The following USP6NL variants were observed in gnomAD, a reference collection of about 807,000 sequenced individuals.
USP6NL encodes USP6 N-terminal-like protein.
A neutral mutation model predicts 61.9 loss-of-function variants in USP6NL; 26 were observed. The observed-to-expected ratio is 0.42, with a 90% CI of 0.31 to 0.58. The LOEUF is 0.58. USP6NL is among the 20% of genes least tolerant of loss of function. The probability of loss-of-function intolerance (pLI) is 0.16; values close to 1 mark genes in which losing one functional copy is unlikely to be tolerated. For missense variants in USP6NL, 1,114 were observed against 1,034.3 expected, an observed-to-expected ratio of 1.08 and a Z score of -1.06; for synonymous variants, 432 against 390.1, an observed-to-expected ratio of 1.11 and a Z score of -1.27.
rs1838282273 is a variant in USP6NL, at chr10:11,595,035, T to C, written c.4+2596A>G. ...GGTGACAGGCAGTGGCTCTAGGAAC[T>C]AGCAGACTACTCAGAAGCTGATTTT... On this transcript the variant is annotated intron_variant, in intron 2 of 14. Coordinates refer to ENST00000609104, the MANE Select transcript of USP6NL (RefSeq NM_014688.5). The surrounding 1 kb of genome is among the most constrained non-coding windows in gnomAD (Gnocchi z 5.3). Among the ~76,000 whole-genome samples the C allele has an allele frequency of 6.6e-6, 1 of 152,214 alleles. No individual in the cohort carries two copies. Among genetic ancestry groups the C allele is most frequent in the Non-Finnish European group, 1.5e-5 (1 of 68,042 alleles).
chr10:11,517,234 TC>T (rs1834995512), intron 5 of USP6NL, among the ~76,000 whole-genome samples: 1 of 152,358 alleles, frequency 6.6e-6, no homozygotes, highest in South Asian at 2.1e-4. Flanking sequence ...GAGATCATAG[TC>T]AGAGTGTGAG....
intron 2 of USP6NL, among the ~76,000 whole-genome samples, chr10:11,558,790 T>G (rs1455253595): frequency 2.6e-5 from 4 of 152,206 alleles, no homozygotes; most frequent in Non-Finnish European, 5.9e-5. Context: ...CCATCCCTCG[T>G]TTGCTACAAA....
intron 2 of USP6NL, among the ~76,000 whole-genome samples, chr10:11,538,043 CG>C (rs989961864): frequency 6.6e-6 from 1 of 152,048 alleles, no homozygotes; most frequent in Non-Finnish European, 1.5e-5. Context: ...GAGCACCTTG[CG>C]TCAGGTAGAT....
At position 11,481,703 on chromosome 10, in the gene USP6NL, T is replaced by C; in HGVS notation, c.1078+67A>G. ...TACGCTGTGGGCAAGAAACAGCCCATGTTAATTATGCCATGTCTTCCAATC... is the reference window on the plus strand; with the variant it reads ...TACGCTGTGGGCAAGAAACAGCCCACGTTAATTATGCCATGTCTTCCAATC... On this transcript the variant is annotated intron_variant, in intron 14 of 14. Transcript: ENST00000609104. This position sits in a 1 kb window ranked among gnomAD's most constrained non-coding sequence, Gnocchi z 4.4. 5 of 1,488,042 alleles carry C rather than the reference T, an allele frequency of 3.4e-6. No individual in the cohort carries two copies. The highest frequency in any genetic ancestry group is 4.5e-6 in the Non-Finnish European group (5 of 1,113,436). The allele number at this position is 1,488,042 out of a possible 1,614,324, so 92.2% of individuals were successfully genotyped here. A position where few individuals can be genotyped will look rare whatever the true frequency, so the allele number is the denominator to read the frequency against.
At chr10:11,556,350 G>T (rs1262765589) in intron 2 of USP6NL, among the ~76,000 whole-genome samples, 1 of 152,092 alleles carries the variant, frequency 6.6e-6, no homozygotes, top group Non-Finnish European at 1.5e-5. Flanking sequence ...TAATCCAAAA[G>T]ATGACAAGAA....
chr10:11,485,556 T>A lies in USP6NL; in HGVS notation c.759+261A>T, dbSNP rs1833428067. 6.6e-6 allele frequency among the ~76,000 whole-genome samples: 1 copy of A among 152,192 alleles called. No individual in the cohort carries two copies. Among genetic ancestry groups the A allele is most frequent in the South Asian group, 2.1e-4 (1 of 4,828 alleles). ...AAAAACCTCCAAAACAACTGGGAGA[T>A]CCCATATCTTTAAATTATCACATTG... is the stretch of plus-strand genomic sequence containing the variant. On this transcript the variant is annotated intron_variant, in intron 11 of 14. Transcript: ENST00000609104. The surrounding 1 kb of genome is among the most constrained non-coding windows in gnomAD (Gnocchi z 4.8).
In USP6NL at chr10:11,595,136, T is replaced by C. The variant is rs138084473; in HGVS notation, c.4+2495A>G. On this transcript the variant is annotated intron_variant, in intron 2 of 14. Coordinates refer to ENST00000609104, the MANE Select transcript of USP6NL (RefSeq NM_014688.5). The surrounding 1 kb of genome is among the most constrained non-coding windows in gnomAD (Gnocchi z 5.3). ...GTTCTTTCTCTGTAGCTTCCCCTTC[T>C]TCACACAAACACACAGAAATAACAG... 6.6e-6 allele frequency among the ~76,000 whole-genome samples: 1 copy of C among 152,310 alleles called. No homozygotes were observed. Among genetic ancestry groups the C allele is most frequent in the African/African-American group, 2.4e-5 (1 of 41,546 alleles).
chr10:11,465,649 G>A lies in USP6NL; in HGVS notation c.1079-1800C>T, dbSNP rs1330975594. On this transcript the variant is annotated intron_variant, in intron 14 of 14. Coordinates refer to ENST00000609104, the MANE Select transcript of USP6NL (RefSeq NM_014688.5). The surrounding 1 kb of genome is among the most constrained non-coding windows in gnomAD (Gnocchi z 4.5). ...TGCCTGTACGTGCTCTCCCCACACC[G>A]TGCTGGCAGCGGAAGCACCCAAGCT... Among the ~76,000 whole-genome samples, 5 of 152,162 alleles carry A rather than the reference G, an allele frequency of 3.3e-5. No homozygotes were observed. The highest frequency in any genetic ancestry group is 4.8e-5 in the African/African-American group (2 of 41,430).
chr10:11,506,074 G>A (rs1276443578), intron 6 of USP6NL, among the ~76,000 whole-genome samples: 1 of 152,170 alleles, frequency 6.6e-6, no homozygotes, highest in East Asian at 1.9e-4. Context: ...ACAGTTAAAT[G>A]AGCTCTAAGT....
At chr10:11,503,084 T>A (rs977599373) in intron 6 of USP6NL, among the ~76,000 whole-genome samples, 6 of 152,176 alleles carry the variant, frequency 3.9e-5, no homozygotes, top group African/African-American at 1.4e-4. Context: ...AGTAATATCA[T>A]CCACAAAAAG....
rs1838283782 is a variant in USP6NL, at chr10:11,595,101, C to T, written c.4+2530G>A. 6.6e-6 allele frequency among the ~76,000 whole-genome samples: 1 copy of T among 152,224 alleles called. No individual in the cohort carries two copies. The highest frequency in any genetic ancestry group is 6.5e-5 in the Admixed American group (1 of 15,290). On this transcript the variant is annotated intron_variant, in intron 2 of 14. Coordinates refer to ENST00000609104, the MANE Select transcript of USP6NL (RefSeq NM_014688.5). The surrounding 1 kb of genome is among the most constrained non-coding windows in gnomAD (Gnocchi z 5.3). The stretch of plus-strand genomic sequence containing the variant: ...AGTGGGAAGTAAGGCGTTAAGTCCC[C>T]GATGGCATTGTTCTTTCTCTGTAGC...
rs199945120 is a variant in USP6NL, at chr10:11,548,462, A to AT, written c.5-20896dup. On this transcript the variant is annotated intron_variant, in intron 2 of 14. Transcript: ENST00000609104. This position sits in a 1 kb window ranked among gnomAD's most constrained non-coding sequence, Gnocchi z 4.3. ...TCAATACAGAGCTTGACATTTTATT[A>AT]TTTTTAATTAACTCATTTTCCATTT... 0.011 allele frequency among the ~76,000 whole-genome samples: 1,718 copies of AT among 152,274 alleles called. 32 individuals are homozygous for AT. The highest frequency in any genetic ancestry group is 0.037 in the African/African-American group (1,525 of 41,544).
rs1179992097 is a variant in USP6NL, at chr10:11,485,786, G to A, written c.759+31C>T. ...CCAGCTTTTTTTGGGGGGTGGGTAG[G>A]TGGGTGTAAGTCAGTGGCACATCTA... is the stretch of plus-strand genomic sequence containing the variant. On this transcript the variant is annotated intron_variant, in intron 11 of 14. Transcript: ENST00000609104. This position sits in a 1 kb window ranked among gnomAD's most constrained non-coding sequence, Gnocchi z 4.8. 1 of 1,434,140 alleles carries A rather than the reference G, an allele frequency of 7.0e-7. No individual in the cohort carries two copies. Among genetic ancestry groups the A allele is most frequent in the Admixed American group, 2.3e-5 (1 of 43,198 alleles). 88.8% of individuals were successfully genotyped at this position (1,434,140 alleles called of 1,614,324 possible).
chr10:11,544,941 G>A (rs189215652), intron 2 of USP6NL, among the ~76,000 whole-genome samples: 114 of 152,252 alleles, frequency 7.5e-4, no homozygotes, highest in African/African-American at 2.7e-3. Flanking sequence ...AAGATATACT[G>A]TAAGCAAAAA....
At chr10:11,541,261 A>G (rs560966829) in intron 2 of USP6NL, among the ~76,000 whole-genome samples, 2 of 130,602 alleles carry the variant, frequency 1.5e-5, no homozygotes, top group South Asian at 4.8e-4. Flanking sequence ...ATATATATAT[A>G]TATATATATA....
At chr10:11,500,523 T>C (rs530765925) in intron 7 of USP6NL, among the ~76,000 whole-genome samples, 4 of 152,222 alleles carry the variant, frequency 2.6e-5, no homozygotes, top group Non-Finnish European at 4.4e-5. Flanking sequence ...AGCTACGAGA[T>C]GACAAGGAGA....
chr10:11,604,327 T>C (rs1033980246), intron 1 of USP6NL, among the ~76,000 whole-genome samples: 8 of 152,214 alleles, frequency 5.3e-5, no homozygotes, highest in Admixed American at 4.6e-4. Flanking sequence ...CTTAGCGGTA[T>C]AAGGAAGATC....
At chr10:11,565,377 C>G (rs1837099275) in intron 2 of USP6NL, 1 of 152,264 alleles carries the variant, frequency 6.6e-6, no homozygotes, top group Admixed American at 6.5e-5. Context: ...CGTAGTGGCT[C>G]ACACCTATAA....
chr10:11,526,571 C>T (rs1254796204), intron 3 of USP6NL, among the ~76,000 whole-genome samples: 1 of 152,120 alleles, frequency 6.6e-6, no homozygotes, highest in Non-Finnish European at 1.5e-5. Context: ...GTTTGATGTT[C>T]CAAAAATGAA....
Sources: allele counts gnomAD v4.1 joint callset (sites outside exome capture counted in the v4.1 genomes callset), GRCh38; gene constraint gnomAD v4.1.1; non-coding constraint Gnocchi (gnomAD v3.1); transcripts MANE v1.5; gene names NCBI Gene and HGNC (gene_info 2026-07-23, HGNC 2026-07-21).